The following SPATA31H1 variants were observed in gnomAD, a reference collection of about 807,000 sequenced individuals.
The protein encoded by SPATA31H1 is spermatogenesis-associated protein 31H1.
chr2:27,582,655 T>C, the SPATA31H1 span: 2 of 919,276 alleles, frequency 2.2e-6, no homozygotes, highest in East Asian at 2.5e-5. Context: ...CATTTCTCTC[T>C]ACCGGGGGGG....
the SPATA31H1 span, chr2:27,576,190 T>C: frequency 0.015 from 6,039 of 404,330 alleles, 64 homozygotes; most frequent in Non-Finnish European, 0.021. Context: ...TTTCAAGTTA[T>C]GAAATTTTCT....
chr2:27,552,142 G>A, the SPATA31H1 span, among the ~76,000 whole-genome samples: 1 of 151,958 alleles, frequency 6.6e-6, no homozygotes, highest in African/African-American at 2.4e-5. Flanking sequence ...AAACAGCTGG[G>A]CACATAGCTT....
At chr2:27,563,385 C>CTTTTTT in the SPATA31H1 span, among the ~76,000 whole-genome samples, 337 of 68,732 alleles carry the variant, frequency 4.9e-3, 71 homozygotes, top group African/African-American at 9.3e-3. Flanking sequence ...TCTTCTACTT[C>CTTTTTT]TTTTTTTTTT....
chr2:27,581,029 C>CA, the SPATA31H1 span: 14 of 1,614,126 alleles, frequency 8.7e-6, no homozygotes, highest in Non-Finnish European at 1.2e-5. Flanking sequence ...AGTAGCAGAT[C>CA]AAAGAAAAAC....
At chr2:27,557,873 C>A in the SPATA31H1 span, among the ~76,000 whole-genome samples, 2 of 40,244 alleles carry the variant, frequency 5.0e-5, no homozygotes, top group South Asian at 1.8e-3. Context: ...GGCTGACCCC[C>A]CCTCCCCCCT....
At chr2:27,554,964 A>G in the SPATA31H1 span, among the ~76,000 whole-genome samples, 18 of 152,118 alleles carry the variant, frequency 1.2e-4, 1 homozygote, top group African/African-American at 4.4e-4. Context: ...ATCTACTAAT[A>G]CATTACATTG....
chr2:27,556,705 T>A, the SPATA31H1 span, among the ~76,000 whole-genome samples: 575 of 143,462 alleles, frequency 4.0e-3, 11 homozygotes, highest in African/African-American at 0.015. Context: ...TTTTTTTTTT[T>A]AATTAATTTA....
the SPATA31H1 span, among the ~76,000 whole-genome samples, chr2:27,565,769 A>G: frequency 6.6e-6 from 1 of 152,162 alleles, no homozygotes; most frequent in Admixed American, 6.5e-5. Flanking sequence ...ATGTATCATG[A>G]CCTCTGTTTC....
the SPATA31H1 span, among the ~76,000 whole-genome samples, chr2:27,549,786 G>A: frequency 2.0e-5 from 3 of 151,882 alleles, no homozygotes; most frequent in Admixed American, 6.6e-5. Context: ...TCCAACCTGG[G>A]TGACAGAGCA....
the SPATA31H1 span, among the ~76,000 whole-genome samples, chr2:27,559,672 C>T: frequency 6.6e-6 from 1 of 152,054 alleles, no homozygotes; most frequent in South Asian, 2.1e-4. Context: ...GGTTACTCCT[C>T]AGATTTAAAT....
At chr2:27,561,689 G>T in the SPATA31H1 span, among the ~76,000 whole-genome samples, 1 of 151,566 alleles carries the variant, frequency 6.6e-6, no homozygotes, top group African/African-American at 2.4e-5. Context: ...TCTCTATAAT[G>T]AGCCAGTTTT....
At chr2:27,554,103 A>G in the SPATA31H1 span, among the ~76,000 whole-genome samples, 1 of 151,970 alleles carries the variant, frequency 6.6e-6, no homozygotes, top group Non-Finnish European at 1.5e-5. Context: ...CCTCGTCAGA[A>G]TGGCCTTTAC....
At chr2:27,580,129 G>C in the SPATA31H1 span, 1 of 1,614,148 alleles carries the variant, frequency 6.2e-7, no homozygotes, top group Non-Finnish European at 8.5e-7. Context: ...GAAAGAGATA[G>C]ACCCGTCATA....
At chr2:27,549,140 T>C in the SPATA31H1 span, among the ~76,000 whole-genome samples, 1 of 151,692 alleles carries the variant, frequency 6.6e-6, no homozygotes, top group Non-Finnish European at 1.5e-5. Flanking sequence ...AACATTTTGC[T>C]GATTAAATGT....
At chr2:27,569,328 C>T in the SPATA31H1 span, 1 of 398,764 alleles carries the variant, frequency 2.5e-6, no homozygotes, top group African/African-American at 2.1e-5. Flanking sequence ...AGAGATACCC[C>T]CCATGTCAGA....
At chr2:27,555,636 CGCACTGCAGTGCGGT>C in the SPATA31H1 span, among the ~76,000 whole-genome samples, 1 of 151,644 alleles carries the variant, frequency 6.6e-6, no homozygotes, top group Non-Finnish European at 1.5e-5. Flanking sequence ...ATTGTGTCAC[CGCACTGCAGTGCGGT>C]GCAGTTTCCT....
chr2:27,567,927 C>A, the SPATA31H1 span: 1 of 398,804 alleles, frequency 2.5e-6, no homozygotes, highest in African/African-American at 2.1e-5. Context: ...CTCACAGCTG[C>A]CAAGTCAAGT....
the SPATA31H1 span, among the ~76,000 whole-genome samples, chr2:27,544,261 T>C: frequency 6.6e-6 from 1 of 152,034 alleles, no homozygotes; most frequent in East Asian, 1.9e-4. Context: ...TATAGGGTGA[T>C]GAGTTTTGAT....
chr2:27,582,430 G>T, the SPATA31H1 span: 2 of 1,614,212 alleles, frequency 1.2e-6, no homozygotes, highest in Non-Finnish European at 1.7e-6. Flanking sequence ...CCCAGCCATA[G>T]TTTGTCTAGA....
Sources: allele counts gnomAD v4.1 joint callset (sites outside exome capture counted in the v4.1 genomes callset), GRCh38; gene constraint gnomAD v4.1.1; transcripts MANE v1.5; gene names NCBI Gene and HGNC (gene_info 2026-07-23, HGNC 2026-07-21).